Variants in PTGIS observed in about 807,000 individuals in gnomAD.
PTGIS encodes prostaglandin I2 synthase, also known as prostacyclin synthase.
In PTGIS, 45 loss-of-function variants were observed where a neutral mutation model predicts 50.3. The observed-to-expected ratio is 0.90, with a 90% CI of 0.70 to 1.15. The LOEUF (loss-of-function observed/expected upper bound fraction) is 1.15. Ranked by LOEUF, PTGIS falls within the 50% of genes most tolerant of loss-of-function variation. The pLI, the probability that PTGIS is intolerant of heterozygous loss-of-function variation, is 0.00. For synonymous variants in PTGIS, 260 were observed against 267.7 expected (o/e 0.97, Z 0.28); for missense variants, 668 against 661.3 (o/e 1.01, Z -0.11).
chr20:49,513,896 G>T (rs961494507), intron 7 of PTGIS, among the ~76,000 whole-genome samples: 1 of 152,232 alleles, frequency 6.6e-6, no homozygotes, highest in African/African-American at 2.4e-5. Flanking sequence ...AAACAGGGCT[G>T]AGAGGTGGAG....
Position 49,540,714 on chromosome 20 carries a change from A to T in PTGIS, c.522-993T>A, listed in dbSNP as rs1271928964. Among the ~76,000 whole-genome samples, 1 of 151,984 alleles carries T rather than the reference A, an allele frequency of 6.6e-6. No individual in the cohort carries two copies. The highest frequency in any genetic ancestry group is 1.5e-5 in the Non-Finnish European group (1 of 67,968). On this transcript the variant is annotated intron_variant, in intron 4 of 9. Transcript: ENST00000244043. The surrounding 1 kb of genome is among the most constrained non-coding windows in gnomAD (Gnocchi z 4.8). Reference sequence around the variant, plus strand: ...GACCACGCTCAGAGGACGCGCCTTCACCTCCAGCCCCCTTTAAATGCCCCA... The same window carrying T: ...GACCACGCTCAGAGGACGCGCCTTCTCCTCCAGCCCCCTTTAAATGCCCCA...
intron 4 of PTGIS, among the ~76,000 whole-genome samples, chr20:49,541,863 A>G (rs1037378280): frequency 6.6e-6 from 1 of 152,214 alleles, no homozygotes; most frequent in Non-Finnish European, 1.5e-5. Flanking sequence ...TGAAGACAGG[A>G]TAATCCCATA....
chr20:49,514,116 C>T (rs1399481808), intron 7 of PTGIS, 111 bp downstream of exon 7: 42 of 1,327,544 alleles, frequency 3.2e-5, no homozygotes, highest in Admixed American at 1.2e-4. Flanking sequence ...GACCCTAGGT[C>T]GGAGGACACA....
At chr20:49,533,122 CA>C (rs1370939231) in intron 5 of PTGIS, among the ~76,000 whole-genome samples, 2 of 152,200 alleles carry the variant, frequency 1.3e-5, no homozygotes, top group Admixed American at 6.5e-5. Flanking sequence ...TCTCCTCATC[CA>C]AAAAATGAGG....
At chr20:49,565,307 C>T (rs1364608138) in intron 1 of PTGIS, among the ~76,000 whole-genome samples, 2 of 152,110 alleles carry the variant, frequency 1.3e-5, no homozygotes, top group African/African-American at 2.4e-5. Context: ...GGTTCTAAGA[C>T]TTTTGAGTGT....
chr20:49,562,259 T>TG (rs1982794985), intron 1 of PTGIS, among the ~76,000 whole-genome samples: 1 of 152,200 alleles, frequency 6.6e-6, no homozygotes, highest in Non-Finnish European at 1.5e-5. Flanking sequence ...TGAAATTTTC[T>TG]CCTAAAACAT....
At position 49,547,936 on chromosome 20, in the gene PTGIS, G is replaced by A. The variant is rs754842795; in HGVS notation, c.282C>T (p.Leu94=). The change falls in exon 3 of 10, where the codon CTC becomes CTT. Residue 94 remains leucine (L), a synonymous_variant. Transcript: ENST00000244043. ...DAVVWEPRTR[L]DFHAYAIFLM... ...GGAAGATGGCATAGGCATGGAAGTC[G>A]AGCCTGGTGCGAGGCTCCCACACCA... 14 of 1,614,008 alleles carry A rather than the reference G, an allele frequency of 8.7e-6. No individual in the cohort carries two copies. The South Asian group carries it at 9.9e-5, about 11-fold the overall frequency.
intron 5 of PTGIS, among the ~76,000 whole-genome samples, chr20:49,537,439 G>A (rs976449068): frequency 1.3e-5 from 2 of 152,126 alleles, no homozygotes; most frequent in Non-Finnish European, 2.9e-5. Context: ...AATTCTTCTA[G>A]TGTGATATAT....
rs5591 is a variant in PTGIS, at chr20:49,507,127, G to C, written c.*793C>G. The C allele has an allele frequency of 1.3e-5, 2 of 152,414 alleles. No homozygotes were observed. Among genetic ancestry groups the C allele is most frequent in the Admixed American group, 6.5e-5 (1 of 15,296 alleles). 9.4% of individuals were successfully genotyped at this position (152,414 alleles called of 1,614,324 possible). A position where few individuals can be genotyped will look rare whatever the true frequency, so the allele number is the denominator to read the frequency against. Reference sequence around the variant, plus strand: ...AAATCGGCACCTTCTTTTTTGGCTTGATCAGTCTAAGGAGTCCTGGCTGGC... The same window carrying C: ...AAATCGGCACCTTCTTTTTTGGCTTCATCAGTCTAAGGAGTCCTGGCTGGC... On this transcript the variant is annotated 3_prime_UTR_variant, in exon 10 of 10. Transcript: ENST00000244043.
At chr20:49,508,996 G>A (rs922643945) in intron 9 of PTGIS, among the ~76,000 whole-genome samples, 1 of 152,214 alleles carries the variant, frequency 6.6e-6, no homozygotes, top group African/African-American at 2.4e-5. Flanking sequence ...CTGAGCACAT[G>A]GTGGGGATTC....
At position 49,540,867 on chromosome 20, in the gene PTGIS, C is replaced by A. The variant is rs555075693; in HGVS notation, c.522-1146G>T. On this transcript the variant is annotated intron_variant, in intron 4 of 9. Transcript: ENST00000244043. This position sits in a 1 kb window ranked among gnomAD's most constrained non-coding sequence, Gnocchi z 4.8. Reference sequence around the variant, plus strand: ...CGCAACCAAAGCCCCGGGGCCTCACCCTCTCACCCTCCCCTTGAGCTCCTG... The same window carrying A: ...CGCAACCAAAGCCCCGGGGCCTCACACTCTCACCCTCCCCTTGAGCTCCTG... Among the ~76,000 whole-genome samples, 103 of 152,278 alleles carry A rather than the reference C, an allele frequency of 6.8e-4. 1 individual carries two copies. In the South Asian group the frequency reaches 0.011, roughly 16 times the overall value.
At chr20:49,532,998 C>T (rs1055482593) in intron 5 of PTGIS, among the ~76,000 whole-genome samples, 7 of 152,174 alleles carry the variant, frequency 4.6e-5, no homozygotes, top group African/African-American at 1.7e-4. Flanking sequence ...GGCTGCCAGG[C>T]CCACGGTGAT....
At chr20:49,554,997 G>A (rs1478974040) in intron 1 of PTGIS, among the ~76,000 whole-genome samples, 1 of 152,162 alleles carries the variant, frequency 6.6e-6, no homozygotes, top group Non-Finnish European at 1.5e-5. Flanking sequence ...TAGGCCAGGT[G>A]TGGTGGCTCA....
intron 1 of PTGIS, among the ~76,000 whole-genome samples, chr20:49,553,642 A>G (rs1982561956): frequency 6.6e-6 from 1 of 151,974 alleles, no homozygotes; most frequent in South Asian, 2.1e-4. Context: ...TTCTTAAAAA[A>G]GTGTTCTTAT....
chr20:49,544,233 G>C, intron 4 of PTGIS, 72 bp downstream of exon 4: 1 of 1,591,770 alleles, frequency 6.3e-7, no homozygotes. Context: ...CGGTTCCCTT[G>C]GCCACTGCTC....
At chr20:49,546,324 G>T (rs1440864877) in intron 3 of PTGIS, among the ~76,000 whole-genome samples, 6 of 152,182 alleles carry the variant, frequency 3.9e-5, no homozygotes, top group Admixed American at 3.3e-4. Flanking sequence ...TTGCTAATGG[G>T]ACCCCCAGGG....
chr20:49,519,559 C>T lies in PTGIS; in HGVS notation c.855+4499G>A, dbSNP rs774279008. Among the ~76,000 whole-genome samples the T allele has an allele frequency of 2.9e-4, 44 of 152,098 alleles. 1 individual carries two copies. The Middle Eastern group carries it at 0.02, about 71-fold the overall frequency. On this transcript the variant is annotated intron_variant, in intron 6 of 9. Coordinates refer to ENST00000244043, the MANE Select transcript of PTGIS (RefSeq NM_000961.4). ...GGATGCCCCCTTCTTCACCCACCCT[C>T]GCCTGCAGTATCTCCTCCAGTCCTG...
At chr20:49,532,252 A>T (rs911174621) in intron 5 of PTGIS, among the ~76,000 whole-genome samples, 1 of 152,234 alleles carries the variant, frequency 6.6e-6, no homozygotes, top group Non-Finnish European at 1.5e-5. Flanking sequence ...TTTAAATTAC[A>T]AATGTGATTC....
chr20:49,566,906 C>T (rs1048755953), intron 1 of PTGIS, among the ~76,000 whole-genome samples: 3 of 152,062 alleles, frequency 2.0e-5, no homozygotes, highest in African/African-American at 4.8e-5. Flanking sequence ...TTTTTAGTGG[C>T]GACAAATGTC....
Sources: allele counts gnomAD v4.1 joint callset (sites outside exome capture counted in the v4.1 genomes callset), GRCh38; gene constraint gnomAD v4.1.1; non-coding constraint Gnocchi (gnomAD v3.1); transcripts MANE v1.5; gene names NCBI Gene and HGNC (gene_info 2026-07-23, HGNC 2026-07-21).